Variants in IFT56 observed in about 807,000 individuals in gnomAD.
IFT56 encodes the protein intraflagellar transport 56.
At chr7:139,177,992 G>A in the IFT56 span, among the ~76,000 whole-genome samples, 1 of 152,190 alleles carries the variant, frequency 6.6e-6, no homozygotes, top group South Asian at 2.1e-4. Flanking sequence ...GTTCATTTTG[G>A]ACTCTGGGAG....
At chr7:139,165,005 A>G in the IFT56 span, 15 of 606,416 alleles carry the variant, frequency 2.5e-5, no homozygotes, top group Non-Finnish European at 1.6e-5. Context: ...TCAATATATC[A>G]ACTGATTCCC....
the IFT56 span, among the ~76,000 whole-genome samples, chr7:139,184,153 A>C: frequency 1.3e-5 from 2 of 152,178 alleles, no homozygotes; most frequent in African/African-American, 4.8e-5. Context: ...CCCACCTCCT[A>C]ACCACAGTAA....
the IFT56 span, among the ~76,000 whole-genome samples, chr7:139,150,698 A>G: frequency 6.6e-6 from 1 of 152,232 alleles, no homozygotes; most frequent in African/African-American, 2.4e-5. Flanking sequence ...TAACTTGTAT[A>G]ACAGGGTCTG....
the IFT56 span, among the ~76,000 whole-genome samples, chr7:139,166,168 G>C: frequency 0.017 from 2,541 of 152,234 alleles, 36 homozygotes; most frequent in South Asian, 0.032. Flanking sequence ...ATGTTGGCCA[G>C]GCTGGTCTTG....
At chr7:139,175,238 C>CT in the IFT56 span, among the ~76,000 whole-genome samples, 3 of 152,070 alleles carry the variant, frequency 2.0e-5, no homozygotes, top group Non-Finnish European at 4.4e-5. Flanking sequence ...TAAATTAGCA[C>CT]ACCTACTATG....
At chr7:139,154,403 A>G in the IFT56 span, among the ~76,000 whole-genome samples, 1 of 150,248 alleles carries the variant, frequency 6.7e-6, no homozygotes, top group Non-Finnish European at 1.5e-5. Flanking sequence ...GTTATATTTA[A>G]GATTCCATTG....
At chr7:139,173,748 A>C in the IFT56 span, 1 of 765,686 alleles carries the variant, frequency 1.3e-6, no homozygotes, top group Non-Finnish European at 2.4e-6. Context: ...AAATGCTTCC[A>C]AAATCATTAT....
the IFT56 span, chr7:139,166,875 C>A: frequency 6.3e-7 from 1 of 1,583,572 alleles, no homozygotes; most frequent in Non-Finnish European, 8.7e-7. Flanking sequence ...AATTAAGGAT[C>A]TGGAACCTAC....
At chr7:139,148,080 C>T in the IFT56 span, 1 of 774,840 alleles carries the variant, frequency 1.3e-6, no homozygotes, top group East Asian at 2.5e-5. Flanking sequence ...CTGATCATAT[C>T]TTGCCCTCTT....
At chr7:139,181,462 G>A in the IFT56 span, among the ~76,000 whole-genome samples, 1 of 152,206 alleles carries the variant, frequency 6.6e-6, no homozygotes, top group African/African-American at 2.4e-5. Flanking sequence ...CAGCGTTGAT[G>A]TACAGATATT....
At chr7:139,172,899 G>A in the IFT56 span, 7 of 705,610 alleles carry the variant, frequency 9.9e-6, no homozygotes, top group Admixed American at 1.8e-5. Context: ...TGCTATGCAC[G>A]GGTGTCTTCT....
chr7:139,169,488 G>A, the IFT56 span: 1 of 701,522 alleles, frequency 1.4e-6, no homozygotes, highest in Admixed American at 2.5e-5. Context: ...AAATAAGAGA[G>A]AATATTGGAA....
the IFT56 span, among the ~76,000 whole-genome samples, chr7:139,163,705 A>G: frequency 1.3e-5 from 2 of 152,210 alleles, no homozygotes; most frequent in African/African-American, 4.8e-5. Context: ...TAAAGTGAGA[A>G]GTAGGACCAG....
the IFT56 span, chr7:139,160,983 A>G: frequency 1.2e-6 from 2 of 1,613,730 alleles, no homozygotes; most frequent in Non-Finnish European, 1.7e-6. Context: ...ATGCTTCTTC[A>G]TCCTTTGAAT....
the IFT56 span, among the ~76,000 whole-genome samples, chr7:139,176,033 G>A: frequency 6.6e-6 from 1 of 151,964 alleles, no homozygotes; most frequent in African/African-American, 2.4e-5. Flanking sequence ...TGGCCAGGCT[G>A]GTCTTGAACT....
chr7:139,186,251 G>A, the IFT56 span, among the ~76,000 whole-genome samples: 2 of 152,008 alleles, frequency 1.3e-5, no homozygotes, highest in Non-Finnish European at 2.9e-5. Context: ...AACATAGTGA[G>A]AGCCTGTCTT....
chr7:139,140,072 T>A, the IFT56 span: 1 of 1,067,380 alleles, frequency 9.4e-7, no homozygotes, highest in Non-Finnish European at 1.4e-6. Context: ...TTTTAAAACT[T>A]AATTGTATTC....
chr7:139,136,511 G>A, the IFT56 span, among the ~76,000 whole-genome samples: 3 of 152,036 alleles, frequency 2.0e-5, no homozygotes, highest in African/African-American at 4.8e-5. Context: ...ATGCAGTGGC[G>A]TGATGGTGGC....
chr7:139,168,764 G>A, the IFT56 span, among the ~76,000 whole-genome samples: 1 of 152,012 alleles, frequency 6.6e-6, no homozygotes, highest in Non-Finnish European at 1.5e-5. Flanking sequence ...AGGGAAAATT[G>A]TTTCTCTGGA....
Sources: allele counts gnomAD v4.1 joint callset (sites outside exome capture counted in the v4.1 genomes callset), GRCh38; gene constraint gnomAD v4.1.1; transcripts MANE v1.5; gene names NCBI Gene and HGNC (gene_info 2026-07-23, HGNC 2026-07-21).